The following DPYSL2 variants were observed in gnomAD, a reference collection of about 807,000 sequenced individuals.
DPYSL2 encodes the protein dihydropyrimidinase like 2.
A neutral mutation model predicts 69.9 loss-of-function variants in DPYSL2; 13 were observed. The observed-to-expected ratio is 0.19, with a 90% CI of 0.12 to 0.30. The LOEUF (loss-of-function observed/expected upper bound fraction) is 0.30, where lower values mean the gene tolerates loss of function less well. DPYSL2 is among the 10% of genes least tolerant of loss of function. The pLI is 1.00. For synonymous variants in DPYSL2, 326 were observed against 359.1 expected (o/e 0.91, Z 1.04); for missense variants, 587 against 918.9 (o/e 0.64, Z 4.67).
intron 3 of DPYSL2, among the ~76,000 whole-genome samples, chr8:26,608,183 C>CTT (rs1802149432): frequency 6.6e-6 from 1 of 151,498 alleles, no homozygotes. Context: ...TGATTTGATA[C>CTT]TTTTTTAAAA....
rs1808312047 is a variant in DPYSL2, at chr8:26,517,526, A to G, written c.354+2847A>G. 6.6e-6 allele frequency among the ~76,000 whole-genome samples: 1 copy of G among 152,172 alleles called. No individual in the cohort carries two copies. The highest frequency in any genetic ancestry group is 2.1e-4 in the South Asian group (1 of 4,836). On this transcript the variant is annotated intron_variant, in intron 1 of 13. Coordinates refer to ENST00000521913, the MANE Select transcript of DPYSL2 (RefSeq NM_001197293.3). This position sits in a 1 kb window ranked among gnomAD's most constrained non-coding sequence, Gnocchi z 4.2. ...TGTGAAAGACTCTGAGCCTCTTGGAAGAGAGAGAAGAAAGGCATCTCTGTT... is the reference window on the plus strand; with the variant it reads ...TGTGAAAGACTCTGAGCCTCTTGGAGGAGAGAGAAGAAAGGCATCTCTGTT...
intron 3 of DPYSL2, among the ~76,000 whole-genome samples, chr8:26,608,543 T>A (rs7820433): frequency 0.2 from 30,332 of 152,172 alleles, 3,234 homozygotes; most frequent in African/African-American, 0.28. Context: ...ACGGTGGTGC[T>A]GGGCTGAGTT....
intron 1 of DPYSL2, among the ~76,000 whole-genome samples, chr8:26,515,704 C>G (rs975446552): frequency 6.6e-6 from 1 of 152,234 alleles, no homozygotes; most frequent in Non-Finnish European, 1.5e-5. Flanking sequence ...AATTTCTTAA[C>G]TGATAATTTA....
intron 3 of DPYSL2, among the ~76,000 whole-genome samples, chr8:26,606,613 C>A (rs1442361797): frequency 1.3e-5 from 2 of 151,912 alleles, no homozygotes; most frequent in Non-Finnish European, 2.9e-5. Context: ...GGAAATAATT[C>A]CACCATTGAA....
chr8:26,567,249 T>A (rs2129678867), intron 1 of DPYSL2, among the ~76,000 whole-genome samples: 1 of 100,278 alleles, frequency 1.0e-5, no homozygotes, highest in South Asian at 3.4e-4. Context: ...CATCCATCTA[T>A]CCATCCACCA....
intron 1 of DPYSL2, among the ~76,000 whole-genome samples, chr8:26,554,807 A>G (rs1414390059): frequency 6.6e-6 from 1 of 152,226 alleles, no homozygotes; most frequent in East Asian, 1.9e-4. Context: ...AACCAGACAA[A>G]GGCATTATAA....
In DPYSL2 at chr8:26,560,632, A is replaced by G. The variant is rs1218736177; in HGVS notation, c.355-21337A>G. Reference sequence around the variant, plus strand: ...TTGGTGATACCCAATATCTCACTTGAACCAGGTTCATCTCTATGCTTTAAT... The same window carrying G: ...TTGGTGATACCCAATATCTCACTTGGACCAGGTTCATCTCTATGCTTTAAT... On this transcript the variant is annotated intron_variant, in intron 1 of 13. Transcript: ENST00000521913. The surrounding 1 kb of genome is among the most constrained non-coding windows in gnomAD (Gnocchi z 4.4). 6.6e-6 allele frequency among the ~76,000 whole-genome samples: 1 copy of G among 152,178 alleles called. No homozygotes were observed. Among genetic ancestry groups the G allele is most frequent in the Non-Finnish European group, 1.5e-5 (1 of 68,032 alleles).
intron 1 of DPYSL2, among the ~76,000 whole-genome samples, chr8:26,558,936 C>T (rs1389102933): frequency 6.6e-6 from 1 of 151,886 alleles, no homozygotes; most frequent in East Asian, 1.9e-4. Context: ...ATTTTTAAAA[C>T]TATTTATTTA....
rs746476058 is a variant in DPYSL2 at position 26,605,978 on chromosome 8, A to C, written c.629-18165A>C. On this transcript the variant is annotated intron_variant, in intron 3 of 13. Transcript: ENST00000521913. This position sits in a 1 kb window ranked among gnomAD's most constrained non-coding sequence, Gnocchi z 4.1. The stretch of plus-strand genomic sequence containing the variant: ...GTACAGGTGAAAGATTAAACAGGTG[A>C]TAAGAACCAAAAAATATTCAAAAAG... Among the ~76,000 whole-genome samples the C allele has an allele frequency of 6.6e-6, 1 of 152,194 alleles. No homozygotes were observed. The highest frequency in any genetic ancestry group is 2.4e-5 in the African/African-American group (1 of 41,460).
At chr8:26,636,633 GTTC>G (rs1455505279) in intron 8 of DPYSL2, among the ~76,000 whole-genome samples, 1 of 152,178 alleles carries the variant, frequency 6.6e-6, no homozygotes, top group African/African-American at 2.4e-5. Context: ...GTCCCTCAGG[GTTC>G]TTCTCAGGTG....
chr8:26,549,565 C>T (rs115893893), intron 1 of DPYSL2, among the ~76,000 whole-genome samples: 2,928 of 152,202 alleles, frequency 0.019, 70 homozygotes, highest in African/African-American at 0.057. Flanking sequence ...GTACAGGAAG[C>T]TCAGAGAACA....
At chr8:26,570,741 GAAAAAAA>G (rs572040580) in intron 1 of DPYSL2, among the ~76,000 whole-genome samples, 5 of 108,292 alleles carry the variant, frequency 4.6e-5, no homozygotes, top group Non-Finnish European at 7.4e-5. Context: ...CTTAGAAAAG[GAAAAAAA>G]AAAAAAAAAA....
In DPYSL2 at chr8:26,653,819, G is replaced by A. The variant is rs1247607157; in HGVS notation, c.1942+422G>A. On this transcript the variant is annotated intron_variant, in intron 13 of 13. Transcript: ENST00000521913. The surrounding 1 kb of genome is among the most constrained non-coding windows in gnomAD (Gnocchi z 5.7). ...GATCTGCCCGCCTCGGCCTCCCAAAGTGCTGGGATTACAGGTGTGAGCCAC... is the reference window on the plus strand; with the variant it reads ...GATCTGCCCGCCTCGGCCTCCCAAAATGCTGGGATTACAGGTGTGAGCCAC... Among the ~76,000 whole-genome samples, 3 of 152,156 alleles carry A rather than the reference G, an allele frequency of 2.0e-5. No individual in the cohort carries two copies. The highest frequency in any genetic ancestry group is 4.4e-5 in the Non-Finnish European group (3 of 68,036).
rs111687587 is a variant in DPYSL2, at chr8:26,526,676, G to T, written c.354+11997G>T. Among the ~76,000 whole-genome samples the T allele has an allele frequency of 3.2e-3, 494 of 152,330 alleles. 1 individual carries two copies. The highest frequency in any genetic ancestry group is 0.014 in the Middle Eastern group (4 of 294). ...AAGCGATGCTCTCTATCATGTTAAA[G>T]AATCATCTTTTAATTGCTACTTGAG... On this transcript the variant is annotated intron_variant, in intron 1 of 13. Transcript: ENST00000521913.
At chr8:26,645,900 T>C (rs937412347) in intron 10 of DPYSL2, among the ~76,000 whole-genome samples, 2 of 151,360 alleles carry the variant, frequency 1.3e-5, no homozygotes, top group Non-Finnish European at 2.9e-5. Flanking sequence ...AGTTTCACTC[T>C]TTCCCCCCAG....
At chr8:26,628,268 C>G (rs552452615) in intron 7 of DPYSL2, among the ~76,000 whole-genome samples, 96 of 152,328 alleles carry the variant, frequency 6.3e-4, no homozygotes, top group African/African-American at 2.0e-3. Flanking sequence ...AACTTATGGT[C>G]TCCAATATCT....
At chr8:26,581,098 C>G (rs452787) in intron 1 of DPYSL2, among the ~76,000 whole-genome samples, 1 of 151,972 alleles carries the variant, frequency 6.6e-6, no homozygotes, top group Non-Finnish European at 1.5e-5. Flanking sequence ...AAAATGGCAT[C>G]AATGGCGTAT....
chr8:26,561,923 C>T (rs1397914772), intron 1 of DPYSL2, among the ~76,000 whole-genome samples: 1 of 152,194 alleles, frequency 6.6e-6, no homozygotes, highest in Non-Finnish European at 1.5e-5. Context: ...GGGTACTGGT[C>T]TGCAGCCCAG....
intron 1 of DPYSL2, among the ~76,000 whole-genome samples, chr8:26,563,712 A>T (rs559946455): frequency 6.6e-6 from 1 of 152,230 alleles, no homozygotes; most frequent in African/African-American, 2.4e-5. Context: ...TATCCTTTGT[A>T]TTTGTTTCTT....
Sources: gnomAD v4.1 joint callset for allele counts (sites outside exome capture counted in the v4.1 genomes callset) on GRCh38, gnomAD v4.1.1 for gene constraint, Gnocchi (gnomAD v3.1) non-coding constraint, MANE v1.5 for transcripts, NCBI Gene and HGNC (gene_info 2026-07-23, HGNC 2026-07-21) for gene names.